The following RAP1GDS1 variants were observed in gnomAD, a reference collection of about 807,000 sequenced individuals.
RAP1GDS1 encodes the protein Rap1 GTPase-GDP dissociation stimulator 1.
Under a neutral mutation model 71.1 loss-of-function variants are expected in RAP1GDS1, and 35 were observed. The observed-to-expected ratio is 0.49, with a 90% CI of 0.38 to 0.65. The LOEUF is 0.65. Among genes scored for constraint, RAP1GDS1 ranks in the 30% least tolerant of loss-of-function variants. The pLI is 0.00. For synonymous variants in RAP1GDS1, 229 were observed against 243.1 expected (o/e 0.94, Z 0.54); for missense variants, 663 against 706.1 (o/e 0.94, Z 0.69).
intron 2 of RAP1GDS1, among the ~76,000 whole-genome samples, chr4:98,302,879 C>T (rs968428884): frequency 4.6e-5 from 7 of 152,096 alleles, no homozygotes; most frequent in African/African-American, 1.2e-4. Flanking sequence ...AACCTCGTCT[C>T]TACTAAAAAT....
At chr4:98,308,998 G>A (rs1036535842) in intron 2 of RAP1GDS1, among the ~76,000 whole-genome samples, 7 of 151,906 alleles carry the variant, frequency 4.6e-5, no homozygotes, top group Non-Finnish European at 5.9e-5. Context: ...AAATTAATAA[G>A]TATTCATTTA....
At chr4:98,326,794 G>A (rs138982337) in intron 2 of RAP1GDS1, among the ~76,000 whole-genome samples, 1 of 152,248 alleles carries the variant, frequency 6.6e-6, no homozygotes, top group Non-Finnish European at 1.5e-5. Context: ...TTTTAGTCAT[G>A]TGAGCCATGG....
intron 9 of RAP1GDS1, 21 bp from the exon 10 acceptor site, chr4:98,418,636 G>T (rs780631188): frequency 1.3e-6 from 2 of 1,576,660 alleles, no homozygotes; most frequent in Non-Finnish European, 1.7e-6. Context: ...GGAAGAAAAA[G>T]ATGTGTGTTT....
At chr4:98,416,447 C>T (rs778296072) in intron 7 of RAP1GDS1, among the ~76,000 whole-genome samples, 5 of 143,282 alleles carry the variant, frequency 3.5e-5, no homozygotes, top group Middle Eastern at 3.8e-3. Flanking sequence ...CCCAGGTTCA[C>T]GCCATTCTCC....
At chr4:98,438,983 C>G (rs1751545450) in intron 14 of RAP1GDS1, among the ~76,000 whole-genome samples, 1 of 152,240 alleles carries the variant, frequency 6.6e-6, no homozygotes, top group African/African-American at 2.4e-5. Context: ...CTTTCAACCA[C>G]CAAACATATT....
At chr4:98,325,906 A>C (rs930494923) in intron 2 of RAP1GDS1, among the ~76,000 whole-genome samples, 2 of 94,418 alleles carry the variant, frequency 2.1e-5, no homozygotes, top group Admixed American at 2.2e-4. Context: ...CATGTACCCT[A>C]AAACTTAAAG....
At chr4:98,267,714 A>G (rs1722893464) in intron 1 of RAP1GDS1, among the ~76,000 whole-genome samples, 2 of 152,154 alleles carry the variant, frequency 1.3e-5, no homozygotes, top group Non-Finnish European at 2.9e-5. Flanking sequence ...TCCATGGTAT[A>G]TATGTGTCAC....
At chr4:98,420,970 A>G (rs569889063) in intron 11 of RAP1GDS1, among the ~76,000 whole-genome samples, 1 of 152,320 alleles carries the variant, frequency 6.6e-6, no homozygotes, top group South Asian at 2.1e-4. Flanking sequence ...GATTGCATAG[A>G]GTCTTTCTAA....
At position 98,329,064 on chromosome 4, in the gene RAP1GDS1, T is replaced by C. The variant is rs142575831; in HGVS notation, c.113-14075T>C. On this transcript the variant is annotated intron_variant, in intron 2 of 14. Transcript: ENST00000408927. ...AGCATCGTATGCACATTCTCAAATATGATATTTCAGTCAAAGCCTTGGTAA... is the reference window on the plus strand; with the variant it reads ...AGCATCGTATGCACATTCTCAAATACGATATTTCAGTCAAAGCCTTGGTAA... 2.9e-4 allele frequency among the ~76,000 whole-genome samples: 44 copies of C among 152,324 alleles called. 1 individual carries two copies. The East Asian group carries it at 4.1e-3, about 14-fold the overall frequency.
At chr4:98,307,793 C>A (rs1245603060) in intron 2 of RAP1GDS1, among the ~76,000 whole-genome samples, 1 of 152,088 alleles carries the variant, frequency 6.6e-6, no homozygotes, top group Non-Finnish European at 1.5e-5. Context: ...ATCAGAACAT[C>A]TACAAAGTGA....
intron 1 of RAP1GDS1, among the ~76,000 whole-genome samples, chr4:98,292,584 A>G (rs1727131353): frequency 6.6e-6 from 1 of 151,372 alleles, no homozygotes; most frequent in African/African-American, 2.4e-5. Context: ...AAAAAAAACA[A>G]TGCTATTCTT....
intron 2 of RAP1GDS1, among the ~76,000 whole-genome samples, chr4:98,312,838 G>C (rs1283373748): frequency 2.6e-5 from 4 of 151,906 alleles, no homozygotes; most frequent in Non-Finnish European, 5.9e-5. Flanking sequence ...GGGAGGCTGA[G>C]GCGGGTGGAT....
At chr4:98,282,243 C>CT (rs1350690580) in intron 1 of RAP1GDS1, among the ~76,000 whole-genome samples, 2 of 152,082 alleles carry the variant, frequency 1.3e-5, no homozygotes, top group South Asian at 4.1e-4. Flanking sequence ...TGTCCCTGGA[C>CT]TTTTTTTGGT....
intron 5 of RAP1GDS1, among the ~76,000 whole-genome samples, chr4:98,383,218 A>G (rs1209206938): frequency 6.6e-6 from 1 of 151,622 alleles, no homozygotes. Flanking sequence ...GGAAAATTCT[A>G]TTATAACTCT....
At chr4:98,417,225 TA>T in intron 8 of RAP1GDS1, 141 bp from the exon 9 acceptor site, 1 of 911,238 alleles carries the variant, frequency 1.1e-6, no homozygotes, top group Non-Finnish European at 1.6e-6. Context: ...ATGTTTATTA[TA>T]AAAAGAATCA....
intron 12 of RAP1GDS1, among the ~76,000 whole-genome samples, chr4:98,423,759 G>T (rs1211650353): frequency 6.6e-6 from 1 of 152,040 alleles, no homozygotes; most frequent in Non-Finnish European, 1.5e-5. Flanking sequence ...GGTCAGGCTG[G>T]TCTCAAACTG....
At chr4:98,387,063 C>A (rs1391605675) in intron 5 of RAP1GDS1, among the ~76,000 whole-genome samples, 1 of 152,128 alleles carries the variant, frequency 6.6e-6, no homozygotes, top group Non-Finnish European at 1.5e-5. Context: ...CTATGCTCAA[C>A]TCATTTGACT....
chr4:98,419,831 A>G (rs1223423818), intron 10 of RAP1GDS1, among the ~76,000 whole-genome samples, 188 bp from the exon 11 acceptor site: 1 of 152,252 alleles, frequency 6.6e-6, no homozygotes, highest in Non-Finnish European at 1.5e-5. Flanking sequence ...TTATACACAA[A>G]TAGGATACGG....
intron 2 of RAP1GDS1, among the ~76,000 whole-genome samples, chr4:98,324,909 A>G (rs1420812244): frequency 9.2e-5 from 14 of 152,324 alleles, no homozygotes; most frequent in African/African-American, 3.1e-4. Context: ...ACAAAAGCCA[A>G]AATTGACAAA....
Sources: allele counts gnomAD v4.1 joint callset (sites outside exome capture counted in the v4.1 genomes callset), GRCh38; gene constraint gnomAD v4.1.1; transcripts MANE v1.5; gene names NCBI Gene and HGNC (gene_info 2026-07-23, HGNC 2026-07-21).